The following EYS variants were observed in gnomAD, a reference collection of about 807,000 sequenced individuals.
EYS encodes protein eyes shut homolog.
EYS carries 250 observed loss-of-function variants against 282.1 expected under a neutral mutation model. The observed-to-expected ratio is 0.89, with a 90% CI of 0.80 to 0.98. The LOEUF (loss-of-function observed/expected upper bound fraction) is 0.98. Among genes scored for constraint, EYS ranks in the 50% least tolerant of loss-of-function variants. The probability of loss-of-function intolerance (pLI) is 0.00; values close to 1 mark genes in which losing one functional copy is unlikely to be tolerated. For synonymous variants in EYS, 1,355 were observed against 1,282.9 expected, an observed-to-expected ratio of 1.06 and a Z score of -1.20; for missense variants, 4,016 against 3,709.0, an observed-to-expected ratio of 1.08 and a Z score of -2.15.
intron 35 of EYS, among the ~76,000 whole-genome samples, chr6:63,941,219 A>C (rs1374956049): frequency 6.6e-6 from 1 of 152,166 alleles, no homozygotes; most frequent in Non-Finnish European, 1.5e-5. Flanking sequence ...TGGCTGGGTC[A>C]AATGGTATTT....
rs559604286 is a variant in EYS at position 64,026,434 on chromosome 6, C to A, written c.6726-27251G>T. Among the ~76,000 whole-genome samples the A allele has an allele frequency of 4.6e-5, 7 of 152,202 alleles. No homozygotes were observed. The South Asian group carries it at 1.5e-3, about 32-fold the overall frequency. On this transcript the variant is annotated intron_variant, in intron 33 of 42. Transcript: ENST00000503581. ...CATTGGGACCAATTTGACCTATAAACCCTGAAAAAGAGGCAGCTCATTTTG... is the reference window on the plus strand; with the variant it reads ...CATTGGGACCAATTTGACCTATAAAACCTGAAAAAGAGGCAGCTCATTTTG...
intron 1 of EYS, among the ~76,000 whole-genome samples, chr6:65,641,989 T>C (rs796362844): frequency 1.2e-4 from 18 of 152,296 alleles, no homozygotes; most frequent in African/African-American, 4.3e-4. Context: ...AGTTCCTAAG[T>C]AATAAATAAG....
At chr6:63,819,566 G>C (rs1315108127) in intron 36 of EYS, among the ~76,000 whole-genome samples, 1 of 152,166 alleles carries the variant, frequency 6.6e-6, no homozygotes, top group Non-Finnish European at 1.5e-5. Context: ...GAATGGTGCT[G>C]TTACCCTGAA....
At chr6:64,524,319 A>T (rs545335204) in intron 26 of EYS, among the ~76,000 whole-genome samples, 1 of 151,744 alleles carries the variant, frequency 6.6e-6, no homozygotes, top group Non-Finnish European at 1.5e-5. Flanking sequence ...TAAAAACTTT[A>T]AGATAAAAAT....
intron 13 of EYS, among the ~76,000 whole-genome samples, chr6:65,050,362 C>T (rs1773234375): frequency 6.6e-6 from 1 of 151,536 alleles, no homozygotes; most frequent in Non-Finnish European, 1.5e-5. Context: ...CTAGACAGAA[C>T]AAATGAAAGA....
chr6:64,533,909 G>A (rs1043144694), intron 26 of EYS, among the ~76,000 whole-genome samples: 30 of 151,762 alleles, frequency 2.0e-4, no homozygotes, highest in African/African-American at 6.5e-4. Context: ...ATGTATTATA[G>A]GGTTTATATC....
At chr6:63,966,803 T>C (rs1475819645) in intron 35 of EYS, among the ~76,000 whole-genome samples, 1 of 152,168 alleles carries the variant, frequency 6.6e-6, no homozygotes, top group African/African-American at 2.4e-5. Flanking sequence ...GTGTAAGCAA[T>C]CAATGATGTT....
intron 30 of EYS, among the ~76,000 whole-genome samples, chr6:64,262,115 T>G (rs1483712029): frequency 6.6e-6 from 1 of 152,006 alleles, no homozygotes; most frequent in Non-Finnish European, 1.5e-5. Context: ...TAAATGTAAT[T>G]ATGATCTAAG....
At chr6:64,888,951 A>G (rs1767187381) in intron 18 of EYS, among the ~76,000 whole-genome samples, 1 of 152,068 alleles carries the variant, frequency 6.6e-6, no homozygotes, top group Non-Finnish European at 1.5e-5. Context: ...TTATATTACT[A>G]TAAAAACAAT....
At chr6:65,576,233 T>C (rs1433136854) in intron 2 of EYS, among the ~76,000 whole-genome samples, 7 of 151,906 alleles carry the variant, frequency 4.6e-5, no homozygotes, top group Non-Finnish European at 4.4e-5. Flanking sequence ...CTTACTATAA[T>C]CAAGTGGAGG....
intron 2 of EYS, among the ~76,000 whole-genome samples, chr6:65,608,506 A>T (rs1765882307): frequency 6.6e-6 from 1 of 151,974 alleles, no homozygotes; most frequent in African/African-American, 2.4e-5. Flanking sequence ...CTTTATAAAC[A>T]CTGTACACTT....
At chr6:65,505,416 T>C (rs1168111526) in intron 2 of EYS, among the ~76,000 whole-genome samples, 1 of 151,918 alleles carries the variant, frequency 6.6e-6, no homozygotes, top group Non-Finnish European at 1.5e-5. Context: ...CTGAGCTCTA[T>C]TCTAATTTTA....
chr6:64,023,080 T>C lies in EYS; in HGVS notation c.6726-23897A>G, dbSNP rs139985613. 6.0e-4 allele frequency among the ~76,000 whole-genome samples: 91 copies of C among 152,376 alleles called. No individual in the cohort carries two copies. In the East Asian group the frequency reaches 0.016, roughly 27 times the overall value. On this transcript the variant is annotated intron_variant, in intron 33 of 42. Coordinates refer to ENST00000503581, the MANE Select transcript of EYS (RefSeq NM_001142800.2). ...CTATGAATTTGCCCATTCCATATAG[T>C]ATATTTCACATAAGTGGAATCATAT...
intron 5 of EYS, among the ~76,000 whole-genome samples, chr6:65,478,794 G>T (rs1765496705): frequency 6.6e-6 from 1 of 152,032 alleles, no homozygotes; most frequent in South Asian, 2.1e-4. Flanking sequence ...AAATTAAAAA[G>T]AAAAAGAGAG....
intron 12 of EYS, among the ~76,000 whole-genome samples, chr6:65,274,529 G>C (rs1013457833): frequency 1.3e-5 from 2 of 152,140 alleles, no homozygotes; most frequent in Non-Finnish European, 2.9e-5. Flanking sequence ...TTATTCATAA[G>C]GACCACCAGA....
chr6:63,727,279 G>T (rs1189445073), intron 41 of EYS, among the ~76,000 whole-genome samples: 1 of 151,708 alleles, frequency 6.6e-6, no homozygotes, highest in Non-Finnish European at 1.5e-5. Context: ...TTCTTATAAT[G>T]TTACAGTGCT....
At chr6:64,432,214 A>T (rs971960190) in intron 28 of EYS, among the ~76,000 whole-genome samples, 1 of 152,120 alleles carries the variant, frequency 6.6e-6, no homozygotes, top group Non-Finnish European at 1.5e-5. Flanking sequence ...TTTAGAACTG[A>T]CAGAGTGTTT....
intron 26 of EYS, among the ~76,000 whole-genome samples, chr6:64,560,852 T>C (rs61509839): frequency 6.6e-6 from 1 of 152,182 alleles, no homozygotes; most frequent in South Asian, 2.1e-4. Context: ...GTCTGAGACG[T>C]ATAAGAAATA....
intron 19 of EYS, among the ~76,000 whole-genome samples, chr6:64,842,424 G>A (rs1183773175): frequency 6.6e-6 from 1 of 151,848 alleles, no homozygotes; most frequent in East Asian, 1.9e-4. Flanking sequence ...CCAGTAGAGT[G>A]GGGCACTGCT....
Sources: allele counts gnomAD v4.1 joint callset (sites outside exome capture counted in the v4.1 genomes callset), GRCh38; gene constraint gnomAD v4.1.1; transcripts MANE v1.5; gene names NCBI Gene and HGNC (gene_info 2026-07-23, HGNC 2026-07-21).